Variants in C13orf46 observed in about 807,000 individuals in gnomAD.
The protein encoded by C13orf46 is chromosome 13 open reading frame 46.
chr13:113,946,532 T>C, the C13orf46 span, among the ~76,000 whole-genome samples: 1 of 152,214 alleles, frequency 6.6e-6, no homozygotes, highest in East Asian at 1.9e-4. Context: ...GGTGGTCAGC[T>C]GTGTCAGGTA....
At chr13:113,940,623 T>C in the C13orf46 span, among the ~76,000 whole-genome samples, 13 of 10,316 alleles carry the variant, frequency 1.3e-3, 2 homozygotes, top group African/African-American at 6.1e-3. Context: ...GCGTTCGAGA[T>C]CCTGGTCTCC....
chr13:113,966,548 TG>T (rs2052651068), intron 5 of C13orf46, among the ~76,000 whole-genome samples: 2 of 151,172 alleles, frequency 1.3e-5, no homozygotes, highest in Non-Finnish European at 2.9e-5. Context: ...ATAATGGTGA[TG>T]GTAATAGTGA....
downstream of C13orf46, among the ~76,000 whole-genome samples, chr13:113,953,020 C>T (rs1429075019): frequency 6.6e-6 from 1 of 152,242 alleles, no homozygotes; most frequent in Non-Finnish European, 1.5e-5. Context: ...CCAGCCTCGT[C>T]CCCTCCACTA....
At position 113,968,738 on chromosome 13, in the gene C13orf46, T is replaced by G. The variant is rs2052674744; in HGVS notation, c.265A>C (p.Lys89Gln). The change falls in exon 3 of 7, where the codon AAG (lysine) becomes CAG (glutamine). Residue 89 changes from lysine to glutamine, a missense_variant. By Grantham distance (53) the Lys-to-Gln change is moderately conservative (BLOSUM62 1). Coordinates refer to ENST00000636427, the MANE Select transcript of C13orf46 (RefSeq NM_001365455.2). ...CCAAGGGTGCTGAAGCTTTCCTTCT[T>G]GTCTTGTGCTAGGTTTTTCTGACTG... ...ASCQKNLAQD[K>Q]KESFSTLGKL... 1 of 152,338 alleles carries G rather than the reference T, an allele frequency of 6.6e-6. No homozygotes were observed. The highest frequency in any genetic ancestry group is 1.5e-5 in the Non-Finnish European group (1 of 68,090). The allele number at this position is 152,338 out of a possible 1,614,324, so 9.4% of individuals were successfully genotyped here. A position where few individuals can be genotyped will look rare whatever the true frequency, so the allele number is the denominator to read the frequency against.
the C13orf46 span, among the ~76,000 whole-genome samples, chr13:113,936,605 TAG>T: frequency 6.6e-6 from 1 of 152,150 alleles, no homozygotes; most frequent in Non-Finnish European, 1.5e-5. Context: ...AACAGGACAC[TAG>T]AGTTTTATTG....
chr13:113,945,672 GGAAAGAA>G, the C13orf46 span, among the ~76,000 whole-genome samples: 31 of 131,382 alleles, frequency 2.4e-4, 1 homozygote, highest in African/African-American at 8.1e-4. Flanking sequence ...AAGAAAGAAA[GGAAAGAA>G]AAACAAACCA....
the C13orf46 span, among the ~76,000 whole-genome samples, chr13:113,938,658 GCCTCC>G: frequency 1.3e-5 from 2 of 152,202 alleles, no homozygotes; most frequent in African/African-American, 4.8e-5. Flanking sequence ...TGGGGGTTCA[GCCTCC>G]GACGTCTTTG....
At chr13:113,951,391 C>T (rs1242176449), downstream of C13orf46, among the ~76,000 whole-genome samples, 2 of 152,198 alleles carry the variant, frequency 1.3e-5, no homozygotes, top group East Asian at 1.9e-4. Context: ...GGGAGGCGCC[C>T]GACGTCCCTT....
In C13orf46 at chr13:113,954,957, C is replaced by T. The variant is rs879062111; in HGVS notation, c.*1816G>A. 0.34 allele frequency: 44,464 copies of T among 130,294 alleles called. 7,545 individuals are homozygous for T. The highest frequency in any genetic ancestry group is 0.49 in the East Asian group (2,145 of 4,354). The allele number at this position is 130,294 out of a possible 1,614,324, so 8.1% of individuals were successfully genotyped here. A position where few individuals can be genotyped will look rare whatever the true frequency, so the allele number is the denominator to read the frequency against. On this transcript the variant is annotated 3_prime_UTR_variant, in exon 7 of 7. Transcript: ENST00000636427. The stretch of plus-strand genomic sequence containing the variant: ...GACGAGGAGGAGGATCTGGCGGAGA[C>T]GAGGAGGAGGATCTGGCGGAGACGA...
chr13:113,943,832 T>A, the C13orf46 span, among the ~76,000 whole-genome samples: 1 of 151,982 alleles, frequency 6.6e-6, no homozygotes, highest in Admixed American at 6.6e-5. Context: ...TACCAGACAT[T>A]CCATGGAAAC....
At chr13:113,931,478 C>T in the C13orf46 span, among the ~76,000 whole-genome samples, 38 of 152,232 alleles carry the variant, frequency 2.5e-4, no homozygotes, top group African/African-American at 8.7e-4. Flanking sequence ...GAAGGGAGTA[C>T]ACCCCTCCCT....
intron 6 of C13orf46, among the ~76,000 whole-genome samples, chr13:113,959,521 C>T (rs1594244933): frequency 6.6e-6 from 1 of 152,334 alleles, no homozygotes; most frequent in East Asian, 1.9e-4. Context: ...AACCAACCTC[C>T]AGTCAGTGCC....
At chr13:113,960,499 T>C (rs933009521) in intron 6 of C13orf46, among the ~76,000 whole-genome samples, 5 of 152,228 alleles carry the variant, frequency 3.3e-5, no homozygotes, top group African/African-American at 4.8e-5. Flanking sequence ...CTCAGCTCTT[T>C]CTCCCCTTAA....
At chr13:113,966,447 G>A (rs1357433621) in intron 5 of C13orf46, among the ~76,000 whole-genome samples, 4 of 151,548 alleles carry the variant, frequency 2.6e-5, no homozygotes, top group Admixed American at 1.3e-4. Context: ...TGGTATTAAT[G>A]GTGATGATGA....
At chr13:113,931,023 G>A in the C13orf46 span, among the ~76,000 whole-genome samples, 23 of 152,300 alleles carry the variant, frequency 1.5e-4, no homozygotes, top group Admixed American at 8.5e-4. Flanking sequence ...CTGGGTAGAT[G>A]AGGGAGGGAC....
At chr13:113,938,088 G>C in the C13orf46 span, among the ~76,000 whole-genome samples, 1 of 152,160 alleles carries the variant, frequency 6.6e-6, no homozygotes, top group Admixed American at 6.5e-5. Context: ...AGCGATCTGG[G>C]GTCCCGAGAA....
intron 6 of C13orf46, among the ~76,000 whole-genome samples, chr13:113,957,373 G>A (rs1468554066): frequency 7.9e-6 from 1 of 127,218 alleles, no homozygotes; most frequent in Non-Finnish European, 1.6e-5. Flanking sequence ...CTTTCATCAA[G>A]CACACTGGGG....
intron 6 of C13orf46, among the ~76,000 whole-genome samples, chr13:113,960,453 C>T (rs1288887147): frequency 6.6e-5 from 10 of 152,270 alleles, no homozygotes; most frequent in Admixed American, 5.2e-4. Context: ...TCTGCTGTCC[C>T]TTGTCACGTG....
Position 113,956,364 on chromosome 13 carries a change from G to GAGT in C13orf46, c.*408_*409insACT, listed in dbSNP as rs1484251519. The GAGT allele has an allele frequency of 9.1e-6, 1 of 110,472 alleles. No individual in the cohort carries two copies. The highest frequency in any genetic ancestry group is 1.8e-5 in the Non-Finnish European group (1 of 56,362). 6.8% of individuals were successfully genotyped at this position (110,472 alleles called of 1,614,324 possible). On this transcript the variant is annotated 3_prime_UTR_variant, in exon 7 of 7. Coordinates refer to ENST00000636427, the MANE Select transcript of C13orf46 (RefSeq NM_001365455.2). ...AGGAGTAGTATCTGGTGGAGAGGAG[G>GAGT]AGCATCTGGTGGAGAGGAGGAGCAT...
Sources: allele counts gnomAD v4.1 joint callset (sites outside exome capture counted in the v4.1 genomes callset), GRCh38; gene constraint gnomAD v4.1.1; transcripts MANE v1.5; gene names NCBI Gene and HGNC (gene_info 2026-07-23, HGNC 2026-07-21).